Variants in FXN observed in about 807,000 individuals in gnomAD.
FXN encodes frataxin, mitochondrial.
Under a neutral mutation model 22.4 loss-of-function variants are expected in FXN, and 14 were observed. That is an observed-to-expected ratio of 0.62 (90% CI 0.41 to 0.98). The LOEUF is 0.98. Ranked by LOEUF, FXN falls within the 50% of genes least tolerant of loss-of-function variation. FXN has a pLI of 0.00. For synonymous variants in FXN, 120 were observed against 114.1 expected, an observed-to-expected ratio of 1.05 and a Z score of -0.33; for missense variants, 267 against 268.4, an observed-to-expected ratio of 0.99 and a Z score of 0.04.
chr9:69,076,557 GC>G lies in FXN; in HGVS notation c.*3796del. The G allele has an allele frequency of 1.0e-6, 1 of 985,338 alleles. No individual in the cohort carries two copies. The highest frequency in any genetic ancestry group is 1.7e-5 in the African/African-American group (1 of 57,326). 61.0% of individuals were successfully genotyped at this position (985,338 alleles called of 1,614,324 possible). ...TAGCCAATTTAAAATTTGACAGTTT[GC>G]ATTAAATTATAGGTTTACAATATGC... On this transcript the variant is annotated 3_prime_UTR_variant, in exon 5 of 5. Transcript: ENST00000484259.
chr9:69,061,021 C>T (rs897184212), intron 3 of FXN, among the ~76,000 whole-genome samples: 21 of 152,046 alleles, frequency 1.4e-4, no homozygotes, highest in Middle Eastern at 3.4e-3. Flanking sequence ...GAGTGGGTCT[C>T]ATGTGGGGAG....
chr9:69,072,482 C>A, intron 4 of FXN, 130 bp from the exon 5 acceptor site: 5 of 1,485,746 alleles, frequency 3.4e-6, no homozygotes, highest in Non-Finnish European at 3.6e-6. Context: ...GGCAGATATA[C>A]ACTAGCTCAT....
At chr9:69,038,281 T>A (rs142733042) in intron 1 of FXN, among the ~76,000 whole-genome samples, 34 of 152,330 alleles carry the variant, frequency 2.2e-4, no homozygotes, top group African/African-American at 8.2e-4. Flanking sequence ...CTGTCCTGGA[T>A]TGACCCTAAG....
At chr9:69,053,002 A>G (rs1831881491) in intron 2 of FXN, 138 bp from the exon 3 acceptor site, 4 of 1,021,040 alleles carry the variant, frequency 3.9e-6, no homozygotes, top group South Asian at 3.2e-5. Flanking sequence ...AAAAAAAAAA[A>G]AAAAGAAAGA....
chr9:69,067,968 G>A (rs556018356), intron 4 of FXN, among the ~76,000 whole-genome samples: 20 of 152,338 alleles, frequency 1.3e-4, no homozygotes, highest in African/African-American at 4.6e-4. Flanking sequence ...TTAGCCTCTA[G>A]TGTATAATGG....
At chr9:69,047,998 A>G (rs1265773859) in intron 2 of FXN, among the ~76,000 whole-genome samples, 4 of 152,110 alleles carry the variant, frequency 2.6e-5, no homozygotes, top group African/African-American at 9.7e-5. Flanking sequence ...GATTACTGGC[A>G]TGAGCCACTG....
intron 3 of FXN, among the ~76,000 whole-genome samples, chr9:69,057,196 A>T (rs1831976393): frequency 6.6e-6 from 1 of 152,080 alleles, no homozygotes; most frequent in African/African-American, 2.4e-5. Flanking sequence ...AAAACTTAAA[A>T]TTTTTTTTAG....
intron 3 of FXN, 38 bp from the exon 4 acceptor site, chr9:69,064,900 T>G (rs1832141342): frequency 7.5e-7 from 1 of 1,329,564 alleles, no homozygotes; most frequent in African/African-American, 1.4e-5. Context: ...TTTTCTTGTT[T>G]TAATTTCTTT....
intron 4 of FXN, among the ~76,000 whole-genome samples, chr9:69,071,031 A>G (rs1455844579): frequency 2.0e-5 from 3 of 152,058 alleles, no homozygotes; most frequent in African/African-American, 7.2e-5. Flanking sequence ...TGAAATCAGC[A>G]GTCTTACCTC....
At chr9:69,058,798 G>T (rs1417880469) in intron 3 of FXN, among the ~76,000 whole-genome samples, 1 of 152,180 alleles carries the variant, frequency 6.6e-6, no homozygotes, top group African/African-American at 2.4e-5. Flanking sequence ...TGCTGGTGCG[G>T]TGCCTCACGC....
intron 1 of FXN, among the ~76,000 whole-genome samples, chr9:69,036,381 G>C (rs1564326931): frequency 6.6e-6 from 1 of 152,240 alleles, no homozygotes; most frequent in African/African-American, 2.4e-5. Flanking sequence ...TATAGCGTGT[G>C]TGTTGTGTGT....
Position 69,076,654 on chromosome 9 carries a change from T to C in FXN, c.*3892T>C. On this transcript the variant is annotated 3_prime_UTR_variant, in exon 5 of 5. Coordinates refer to ENST00000484259, the MANE Select transcript of FXN (RefSeq NM_000144.5). ...ACCTCTAAAGGAAGACCCATGTTCATAGTGATGGAGTTTGTGTGGACTAAC... is the reference window on the plus strand; with the variant it reads ...ACCTCTAAAGGAAGACCCATGTTCACAGTGATGGAGTTTGTGTGGACTAAC... 7.1e-6 allele frequency: 7 copies of C among 985,456 alleles called. No homozygotes were observed. The highest frequency in any genetic ancestry group is 8.4e-6 in the Non-Finnish European group (7 of 829,938). 61.0% of individuals were successfully genotyped at this position (985,456 alleles called of 1,614,324 possible). A position where few individuals can be genotyped will look rare whatever the true frequency, so the allele number is the denominator to read the frequency against.
chr9:69,069,309 G>C (rs766351329), intron 4 of FXN, among the ~76,000 whole-genome samples: 1 of 152,146 alleles, frequency 6.6e-6, no homozygotes, highest in African/African-American at 2.4e-5. Flanking sequence ...AGGTTGTAAC[G>C]AACTGAAATC....
intron 3 of FXN, among the ~76,000 whole-genome samples, chr9:69,056,256 G>T (rs1831956402): frequency 6.6e-6 from 1 of 152,140 alleles, no homozygotes. Context: ...AGAGCCTCTG[G>T]CCATAACTGA....
At position 69,076,905 on chromosome 9, in the gene FXN, A is replaced by T. The variant is rs990375399; in HGVS notation, c.*4143A>T. 8.1e-6 allele frequency: 8 copies of T among 985,280 alleles called. No individual in the cohort carries two copies. The highest frequency in any genetic ancestry group is 8.4e-6 in the Non-Finnish European group (7 of 829,936). 61.0% of individuals were successfully genotyped at this position (985,280 alleles called of 1,614,324 possible). On this transcript the variant is annotated 3_prime_UTR_variant, in exon 5 of 5. Transcript: ENST00000484259. The stretch of plus-strand genomic sequence containing the variant: ...AAACGACGAGTTCATGACTTTGTGT[A>T]TAGAGTAAGAAATGCCTTTTCTTTT...
Position 69,078,011 on chromosome 9 carries a change from A to G in FXN, c.*5249A>G, listed in dbSNP as rs181420522. On this transcript the variant is annotated 3_prime_UTR_variant, in exon 5 of 5. Coordinates refer to ENST00000484259, the MANE Select transcript of FXN (RefSeq NM_000144.5). ...GAAAAATAAGACAATATCATTTCCCAATTACATTCCTTTCCTACCGCACTC... is the reference window on the plus strand; with the variant it reads ...GAAAAATAAGACAATATCATTTCCCGATTACATTCCTTTCCTACCGCACTC... 23 of 985,394 alleles carry G rather than the reference A, an allele frequency of 2.3e-5. No individual in the cohort carries two copies. The East Asian group carries it at 2.4e-3, about 102-fold the overall frequency. 61.0% of individuals were successfully genotyped at this position (985,394 alleles called of 1,614,324 possible).
Position 69,073,392 on chromosome 9 carries a change from A to G in FXN, c.*630A>G. On this transcript the variant is annotated 3_prime_UTR_variant, in exon 5 of 5. Transcript: ENST00000484259. ...AGTGCTGTTTCTCCCACATATTCAC[A>G]TACGTGTCTGTGTGTATATATATTT... The G allele has an allele frequency of 2.0e-6, 2 of 986,636 alleles. No individual in the cohort carries two copies. Among genetic ancestry groups the G allele is most frequent in the South Asian group, 4.7e-5 (1 of 21,370 alleles). The allele number at this position is 986,636 out of a possible 1,614,324, so 61.1% of individuals were successfully genotyped here.
At chr9:69,065,117 T>G in intron 4 of FXN, 82 bp downstream of exon 4, 2 of 1,115,262 alleles carry the variant, frequency 1.8e-6, no homozygotes, top group Non-Finnish European at 2.7e-6. Flanking sequence ...TTAAGAAATG[T>G]CGGCTGAGCA....
At position 69,075,476 on chromosome 9, in the gene FXN, A is replaced by G; in HGVS notation, c.*2714A>G. ...CTCCGTCTCAAATAAATAAATAAAT[A>G]AATAAAGGGACTTCAAACACATGAA... On this transcript the variant is annotated 3_prime_UTR_variant, in exon 5 of 5. Coordinates refer to ENST00000484259, the MANE Select transcript of FXN (RefSeq NM_000144.5). The G allele has an allele frequency of 2.0e-6, 2 of 980,046 alleles. No homozygotes were observed. Among genetic ancestry groups the G allele is most frequent in the Non-Finnish European group, 2.4e-6 (2 of 825,730 alleles). The allele number at this position is 980,046 out of a possible 1,614,324, so 60.7% of individuals were successfully genotyped here. A position where few individuals can be genotyped will look rare whatever the true frequency, so the allele number is the denominator to read the frequency against.
Sources: gnomAD v4.1 joint callset for allele counts (sites outside exome capture counted in the v4.1 genomes callset) on GRCh38, gnomAD v4.1.1 for gene constraint, MANE v1.5 for transcripts, NCBI Gene and HGNC (gene_info 2026-07-23, HGNC 2026-07-21) for gene names.